Variants in IQCE observed in about 807,000 individuals in gnomAD.
The protein encoded by IQCE is IQ domain-containing protein E.
A neutral mutation model predicts 96.0 loss-of-function variants in IQCE; 115 were observed. The ratio of observed to expected loss-of-function variants is 1.20; its 90% CI spans 1.03 to 1.40. The LOEUF (loss-of-function observed/expected upper bound fraction) is 1.40, where lower values mean the gene tolerates loss of function less well. Among genes scored for constraint, IQCE ranks in the 40% most tolerant of loss-of-function variants. The pLI is 0.00. For synonymous variants in IQCE, 412 were observed against 371.2 expected, an observed-to-expected ratio of 1.11 and a Z score of -1.26; for missense variants, 1,041 against 909.1, an observed-to-expected ratio of 1.15 and a Z score of -1.87.
intron 9 of IQCE, 80 bp downstream of exon 9, chr7:2,582,730 C>A (rs1390710188): frequency 6.2e-6 from 8 of 1,282,982 alleles, no homozygotes; most frequent in African/African-American, 5.9e-5. Flanking sequence ...GTTCCTCCCC[C>A]ACCCCGTCCT....
intron 16 of IQCE, 68 bp from the exon 17 acceptor site, chr7:2,598,397 C>T (rs1242867291): frequency 7.0e-7 from 1 of 1,432,576 alleles, no homozygotes; most frequent in Admixed American, 2.3e-5. Flanking sequence ...AATATCCTGT[C>T]CCCTTGCCGG....
chr7:2,583,612 A>G (rs760553948), intron 9 of IQCE, 25 bp from the exon 10 acceptor site: 7 of 1,573,280 alleles, frequency 4.4e-6, no homozygotes, highest in South Asian at 3.3e-5. Context: ...GCACATCCCT[A>G]TTAACGCTGA....
intron 1 of IQCE, 159 bp downstream of exon 1, chr7:2,559,376 G>C: frequency 2.9e-6 from 1 of 346,742 alleles, no homozygotes; most frequent in Non-Finnish European, 4.9e-6. Context: ...CCGCACAAGA[G>C]CGCGCTGCAG....
At chr7:2,601,231 A>T (rs1310232873) in intron 17 of IQCE, among the ~76,000 whole-genome samples, 1 of 152,166 alleles carries the variant, frequency 6.6e-6, no homozygotes, top group Non-Finnish European at 1.5e-5. Context: ...ACTCCTGGAG[A>T]ATTCCCGCCA....
At chr7:2,588,461 C>T (rs1417018833) in intron 13 of IQCE, among the ~76,000 whole-genome samples, 1 of 147,646 alleles carries the variant, frequency 6.8e-6, no homozygotes, top group Non-Finnish European at 1.5e-5. Context: ...TCAAGTGATT[C>T]TCCTCCCTCA....
chr7:2,595,260 G>T (rs148079570), intron 16 of IQCE, among the ~76,000 whole-genome samples: 1 of 152,206 alleles, frequency 6.6e-6, no homozygotes, highest in Non-Finnish European at 1.5e-5. Flanking sequence ...GTAGTTATGC[G>T]GCCGGAGCTG....
In IQCE at chr7:2,614,649, G is replaced by C. The variant is rs1375966541; in HGVS notation, c.*4487G>C. On this transcript the variant is annotated 3_prime_UTR_variant, in exon 22 of 22. Coordinates refer to ENST00000402050, the MANE Select transcript of IQCE (RefSeq NM_152558.5). ...ACATAATGTATAGGCCGATCTTTTG[G>C]AAGGGATAAGGTTTTCATTCTTGTG... The C allele has an allele frequency of 6.6e-6, 1 of 152,200 alleles. No homozygotes were observed. Among genetic ancestry groups the C allele is most frequent in the African/African-American group, 2.4e-5 (1 of 41,444 alleles). 9.4% of individuals were successfully genotyped at this position (152,200 alleles called of 1,614,324 possible).
chr7:2,575,684 G>A (rs1356979821), intron 6 of IQCE, among the ~76,000 whole-genome samples: 2 of 152,168 alleles, frequency 1.3e-5, no homozygotes, highest in Non-Finnish European at 2.9e-5. Flanking sequence ...CTGCCTTGTC[G>A]GTCTGCTCCT....
At chr7:2,560,686 G>A (rs1025204462) in intron 1 of IQCE, among the ~76,000 whole-genome samples, 25 of 151,206 alleles carry the variant, frequency 1.7e-4, no homozygotes, top group Non-Finnish European at 2.4e-4. Context: ...GGCCGGGCAC[G>A]GCGGCTCATG....
Position 2,581,803 on chromosome 7 carries a change from G to A in IQCE, c.631-777G>A, listed in dbSNP as rs1011210613. Among the ~76,000 whole-genome samples, 9 of 149,822 alleles carry A rather than the reference G, an allele frequency of 6.0e-5. No homozygotes were observed. The South Asian group carries it at 1.7e-3, about 28-fold the overall frequency. On this transcript the variant is annotated intron_variant, in intron 8 of 21. Transcript: ENST00000402050. ...CGGCTCACTGCAAGCTCCGCTTCCCGGGTTCATGCCATTCTCCTGCCTCAG... is the reference window on the plus strand; with the variant it reads ...CGGCTCACTGCAAGCTCCGCTTCCCAGGTTCATGCCATTCTCCTGCCTCAG...
intron 20 of IQCE, 31 bp from the exon 21 acceptor site, chr7:2,607,093 G>C: frequency 6.4e-7 from 1 of 1,564,518 alleles, no homozygotes; most frequent in Non-Finnish European, 8.6e-7. Context: ...TCTAAAAGCA[G>C]AATCAGCTGG....
intron 19 of IQCE, 55 bp downstream of exon 19, chr7:2,605,046 C>G (rs1784697325): frequency 9.7e-6 from 12 of 1,240,816 alleles, no homozygotes; most frequent in Non-Finnish European, 1.4e-5. Context: ...GCTCGTCTCG[C>G]ACTCCATCCA....
At chr7:2,600,745 C>T (rs546598823) in intron 17 of IQCE, among the ~76,000 whole-genome samples, 27 of 152,188 alleles carry the variant, frequency 1.8e-4, no homozygotes, top group Admixed American at 1.5e-3. Flanking sequence ...AAATGTGGGA[C>T]GTGCACTCTG....
rs768196052 is a variant in IQCE, at chr7:2,598,562, C to A, written c.1538C>A (p.Pro513His). The change falls in exon 17 of 22, where the codon CCC becomes CAC. Residue 513 changes from proline to histidine, a missense_variant. Transcript: ENST00000402050. ...GAGGGGCTCCCGCGGCCCCGCTCCCCCTGCTCTGATGGGAGAAGAGACGCC... is the reference window on the plus strand; with the variant it reads ...GAGGGGCTCCCGCGGCCCCGCTCCCACTGCTCTGATGGGAGAAGAGACGCC... ...SEEGLPRPRSPCSDGRRDAAA... is the reference protein window; with the variant it reads ...SEEGLPRPRSHCSDGRRDAAA... The A allele has an allele frequency of 3.1e-6, 5 of 1,610,996 alleles. No homozygotes were observed. The highest frequency in any genetic ancestry group is 4.2e-6 in the Non-Finnish European group (5 of 1,178,784).
At chr7:2,586,152 C>G in intron 11 of IQCE, 56 bp from the exon 12 acceptor site, 1 of 1,518,426 alleles carries the variant, frequency 6.6e-7, no homozygotes, top group Non-Finnish European at 9.0e-7. Flanking sequence ...TCGTTTCAAG[C>G]ATGTGTGAAA....
At chr7:2,578,641 G>GC in intron 8 of IQCE, 115 bp downstream of exon 8, 1 of 1,142,210 alleles carries the variant, frequency 8.8e-7, no homozygotes, top group Non-Finnish European at 1.3e-6. Context: ...AGGCAGGGGG[G>GC]AGGCTGCGGA....
At chr7:2,586,144 G>A (rs574305181) in intron 11 of IQCE, 64 bp from the exon 12 acceptor site, 30 of 1,476,510 alleles carry the variant, frequency 2.0e-5, no homozygotes, top group South Asian at 1.8e-4. Flanking sequence ...CCTGTCCCTC[G>A]TTTCAAGCAT....
intron 15 of IQCE, among the ~76,000 whole-genome samples, chr7:2,594,116 C>T (rs765501719): frequency 8.5e-5 from 13 of 152,142 alleles, no homozygotes; most frequent in South Asian, 2.1e-4. Context: ...AAAAATTAGC[C>T]GGGCACAGTG....
At chr7:2,594,492 T>C (rs1783864229) in intron 15 of IQCE, among the ~76,000 whole-genome samples, 1 of 152,236 alleles carries the variant, frequency 6.6e-6, no homozygotes. Context: ...ATGCTTGGGC[T>C]CAAGCGATCC....
Sources: gnomAD v4.1 joint callset for allele counts (sites outside exome capture counted in the v4.1 genomes callset) on GRCh38, gnomAD v4.1.1 for gene constraint, MANE v1.5 for transcripts, NCBI Gene and HGNC (gene_info 2026-07-23, HGNC 2026-07-21) for gene names.